Variants in SRRM3 observed in about 807,000 individuals in gnomAD.
The protein encoded by SRRM3 is serine/arginine repetitive matrix 3.
In SRRM3, 27 loss-of-function variants were observed where a neutral mutation model predicts 66.2. That is an observed-to-expected ratio of 0.41 (90% CI 0.30 to 0.56). The LOEUF (loss-of-function observed/expected upper bound fraction) is 0.56, where lower values mean the gene tolerates loss of function less well. Ranked by LOEUF, SRRM3 falls within the 20% of genes least tolerant of loss-of-function variation. SRRM3 has a pLI of 0.32. For missense variants in SRRM3, 918 were observed against 991.9 expected (o/e 0.93, Z 1.00); for synonymous variants, 391 against 414.9 (o/e 0.94, Z 0.70).
rs576807763 is a variant in SRRM3 at position 76,222,444 on chromosome 7, T to C, written c.-39-12584T>C. Among the ~76,000 whole-genome samples, 95 of 146,642 alleles carry C rather than the reference T, an allele frequency of 6.5e-4. 1 individual carries two copies. In the South Asian group the frequency reaches 0.019, roughly 30 times the overall value. On this transcript the variant is annotated intron_variant, in intron 1 of 14. Transcript: ENST00000611745. ...AAAAAAAAAAAAGTTGCAAGAGAGA[T>C]CTTTCCAAAATGCAAATCTGACCTC...
intron 1 of SRRM3, among the ~76,000 whole-genome samples, chr7:76,222,116 C>T (rs1364407022): frequency 6.6e-6 from 1 of 152,132 alleles, no homozygotes; most frequent in Non-Finnish European, 1.5e-5. Context: ...GGCCTGAGGG[C>T]ATCAGGTTGC....
intron 1 of SRRM3, among the ~76,000 whole-genome samples, chr7:76,225,976 G>T (rs985753903): frequency 5.3e-5 from 8 of 152,082 alleles, no homozygotes; most frequent in Non-Finnish European, 8.8e-5. Context: ...CCAGGGCAGG[G>T]CTGGGCCTCT....
intron 2 of SRRM3, among the ~76,000 whole-genome samples, chr7:76,238,618 C>A (rs542537770): frequency 1.3e-5 from 2 of 152,140 alleles, no homozygotes; most frequent in African/African-American, 4.8e-5. Context: ...CCCCCAGCAT[C>A]CTCCCTGCCA....
chr7:76,234,698 T>C (rs1275974911), intron 1 of SRRM3, among the ~76,000 whole-genome samples: 1 of 152,160 alleles, frequency 6.6e-6, no homozygotes, highest in East Asian at 1.9e-4. Context: ...CTGGGATGTC[T>C]GGCCCAAGCA....
intron 1 of SRRM3, among the ~76,000 whole-genome samples, chr7:76,229,241 T>A (rs1250581059): frequency 6.6e-6 from 1 of 152,064 alleles, no homozygotes; most frequent in Admixed American, 6.6e-5. Flanking sequence ...CAGGTAGAAC[T>A]GACATATGAA....
chr7:76,227,375 C>G (rs1307233668), intron 1 of SRRM3, among the ~76,000 whole-genome samples: 1 of 152,188 alleles, frequency 6.6e-6, no homozygotes, highest in African/African-American at 2.4e-5. Context: ...ATTTGTTCTC[C>G]GTGTTCCCCA....
chr7:76,255,732 G>A lies in SRRM3; in HGVS notation c.336-4174G>A, dbSNP rs535317625. Among the ~76,000 whole-genome samples, 23 of 152,344 alleles carry A rather than the reference G, an allele frequency of 1.5e-4. 1 individual carries two copies. The highest frequency in any genetic ancestry group is 1.4e-3 in the South Asian group (7 of 4,832). On this transcript the variant is annotated intron_variant, in intron 3 of 14. Transcript: ENST00000611745. ...CAATGTGTTGGGATTACAGGCATGAGCCATCACACCCGGCCTGGTTACATT... is the reference window on the plus strand; with the variant it reads ...CAATGTGTTGGGATTACAGGCATGAACCATCACACCCGGCCTGGTTACATT...
intron 10 of SRRM3, among the ~76,000 whole-genome samples, chr7:76,266,513 A>G (rs186032028): frequency 0.029 from 3,193 of 111,598 alleles, 92 homozygotes; most frequent in African/African-American, 0.091. Flanking sequence ...ATATATAAAT[A>G]TTTATATATT....
chr7:76,244,541 A>AC (rs1554605981), intron 2 of SRRM3, among the ~76,000 whole-genome samples: 1 of 142,214 alleles, frequency 7.0e-6, no homozygotes, highest in Non-Finnish European at 1.5e-5. Context: ...AAAAAAAAAA[A>AC]AAGTTGAAGA....
At chr7:76,267,198 C>G (rs1802083940) in intron 10 of SRRM3, 60 bp from the exon 11 acceptor site, 1 of 1,412,264 alleles carries the variant, frequency 7.1e-7, no homozygotes, top group Non-Finnish European at 9.3e-7. Flanking sequence ...GGAGGCGCAA[C>G]TGCTTGCAAA....
Position 76,281,855 on chromosome 7 carries a change from C to G in SRRM3, c.1370+53C>G, listed in dbSNP as rs1397545455. 4.5e-6 allele frequency: 5 copies of G among 1,122,702 alleles called. No individual in the cohort carries two copies. In the African/African-American group the frequency reaches 8.5e-5, roughly 19 times the overall value. The allele number at this position is 1,122,702 out of a possible 1,614,324, so 69.5% of individuals were successfully genotyped here. A position where few individuals can be genotyped will look rare whatever the true frequency, so the allele number is the denominator to read the frequency against. On this transcript the variant is annotated intron_variant, in intron 12 of 14. Coordinates refer to ENST00000611745, the MANE Select transcript of SRRM3 (RefSeq NM_001110199.3). Reference sequence around the variant, plus strand: ...TCCCGCCCCCACCCCGCACAGGGCTCCCCTCCACTAGCGGATCCCTGCCCA... The same window carrying G: ...TCCCGCCCCCACCCCGCACAGGGCTGCCCTCCACTAGCGGATCCCTGCCCA...
At chr7:76,279,954 TTCTC>T (rs782308455) in intron 11 of SRRM3, among the ~76,000 whole-genome samples, 2 of 150,064 alleles carry the variant, frequency 1.3e-5, no homozygotes, top group Admixed American at 6.6e-5. Context: ...GTGGTTGCGT[TTCTC>T]TCTCTCTCTC....
intron 11 of SRRM3, 70 bp from the exon 12 acceptor site, chr7:76,281,371 C>A: frequency 9.0e-7 from 1 of 1,106,022 alleles, no homozygotes; most frequent in Non-Finnish European, 1.1e-6. Flanking sequence ...CTCCTCTCTT[C>A]TCTCTCTGTC....
chr7:76,284,847 G>A (rs1802615587), intron 14 of SRRM3, among the ~76,000 whole-genome samples: 1 of 152,224 alleles, frequency 6.6e-6, no homozygotes, highest in Admixed American at 6.5e-5. Flanking sequence ...AGGTAGCTGA[G>A]TGAGGAGTGG....
intron 3 of SRRM3, among the ~76,000 whole-genome samples, chr7:76,258,154 CCACCAGG>C (rs1421774165): frequency 2.0e-5 from 3 of 152,168 alleles, no homozygotes; most frequent in Admixed American, 2.0e-4. Flanking sequence ...CCACCCTCTG[CCACCAGG>C]CTTGATTGAT....
chr7:76,210,082 T>C (rs193105503), intron 1 of SRRM3, among the ~76,000 whole-genome samples: 6 of 152,266 alleles, frequency 3.9e-5, no homozygotes, highest in Middle Eastern at 6.8e-3. Flanking sequence ...TGCCTATTCA[T>C]GTGGGCAGGA....
At position 76,282,758 on chromosome 7, in the gene SRRM3, C is replaced by T; in HGVS notation, c.1481C>T (p.Pro494Leu). The T allele has an allele frequency of 1.4e-6, 2 of 1,464,608 alleles. No homozygotes were observed. The highest frequency in any genetic ancestry group is 9.0e-7 in the Non-Finnish European group (1 of 1,114,234). 90.7% of individuals were successfully genotyped at this position (1,464,608 alleles called of 1,614,324 possible). A position where few individuals can be genotyped will look rare whatever the true frequency, so the allele number is the denominator to read the frequency against. ...EGKSSSRSPG[P>L]HPRSWSSSRS... ...AAGAGCTCGTCGCGCAGCCCCGGCC[C>T]GCACCCCCGCTCCTGGAGCTCCAGC... Residue 494 changes from proline to leucine, a missense_variant, in exon 13 of 15, where the codon CCG becomes CTG. Coordinates refer to ENST00000611745, the MANE Select transcript of SRRM3 (RefSeq NM_001110199.3).
At chr7:76,207,798 G>C (rs1171983031) in intron 1 of SRRM3, among the ~76,000 whole-genome samples, 1 of 152,148 alleles carries the variant, frequency 6.6e-6, no homozygotes, top group Non-Finnish European at 1.5e-5. Context: ...GATCGCTTGA[G>C]CTCAGGAGTT....
In SRRM3 at chr7:76,281,712, G is replaced by T. The variant is rs781857569; in HGVS notation, c.1280G>T (p.Arg427Leu). 1.8e-5 allele frequency: 22 copies of T among 1,198,658 alleles called. 1 individual carries two copies. The South Asian group carries it at 4.9e-4, about 27-fold the overall frequency. 74.3% of individuals were successfully genotyped at this position (1,198,658 alleles called of 1,614,324 possible). Residue 427 changes from arginine to leucine, a missense_variant, in exon 12 of 15, where the codon CGC becomes CTC. Physicochemically the swap from Arg to Leu is moderately radical, Grantham distance 102. Transcript: ENST00000611745. ...TCGTCGCGCTCGCTCAGCAGGGCCC[G>T]CTCCAGCAGCGACTCCGGCAGCGGC... is the stretch of plus-strand genomic sequence containing the variant. ...RGSSRSLSRA[R>L]SSSDSGSGRG...
Sources: gnomAD v4.1 joint callset for allele counts (sites outside exome capture counted in the v4.1 genomes callset) on GRCh38, gnomAD v4.1.1 for gene constraint, MANE v1.5 for transcripts, NCBI Gene and HGNC (gene_info 2026-07-23, HGNC 2026-07-21) for gene names.